The following CHST13 variants were observed in gnomAD, a reference collection of about 807,000 sequenced individuals.
CHST13 encodes the protein C4ST-3.
A neutral mutation model predicts 7.0 loss-of-function variants in CHST13; 1 was observed. That is an observed-to-expected ratio of 0.14 (90% CI 0.05 to 0.68). The LOEUF is 0.68. Ranked by LOEUF, CHST13 falls within the 30% of genes least tolerant of loss-of-function variation. The pLI is 0.82. For synonymous variants in CHST13, 257 were observed against 240.9 expected (o/e 1.07, Z -0.62); for missense variants, 572 against 507.9 (o/e 1.13, Z -1.21).
intron 1 of CHST13, among the ~76,000 whole-genome samples, chr3:126,526,433 G>C (rs1326810716): frequency 6.6e-6 from 1 of 152,188 alleles, no homozygotes; most frequent in Non-Finnish European, 1.5e-5. Flanking sequence ...CTGGGGATGA[G>C]GGCTCCAGAA....
chr3:126,542,413 C>G lies in CHST13; in HGVS notation c.861C>G (p.Ser287Arg), dbSNP rs751601431. Reference protein sequence around the residue: ...VLGLAGASDLSFPGPPRPRGA... With the variant: ...VLGLAGASDLRFPGPPRPRGA... ...GCCTGGCGGGCGCATCCGACCTGAG[C>G]TTCCCTGGGCCGCCGCGGCCCCGGG... is the stretch of plus-strand genomic sequence containing the variant. The change falls in exon 3 of 3, where the codon AGC (serine) becomes AGG (arginine). Residue 287 changes from serine to arginine, a missense_variant. By Grantham distance (110) the Ser-to-Arg change is moderately radical. Transcript: ENST00000319340. The G allele has an allele frequency of 2.6e-6, 4 of 1,552,432 alleles. No homozygotes were observed. The Admixed American group carries it at 7.8e-5, about 30-fold the overall frequency.
intron 1 of CHST13, among the ~76,000 whole-genome samples, chr3:126,535,724 C>T (rs13080948): frequency 0.34 from 51,930 of 152,234 alleles, 9,376 homozygotes; most frequent in African/African-American, 0.45. Flanking sequence ...CCATGTGAAG[C>T]AGCATATTCC....
chr3:126,542,036 C>G lies in CHST13; in HGVS notation c.484C>G (p.Arg162Gly). 1 of 1,573,094 alleles carries G rather than the reference C, an allele frequency of 6.4e-7. No homozygotes were observed. ...LADFSPAEIN[R>G]RLRAYLAFLF... ...CGACTTCAGCCCCGCCGAGATCAAC[C>G]GGCGCCTGCGCGCCTACTTGGCCTT... The change falls in exon 3 of 3, where the codon CGG becomes GGG. Residue 162 changes from arginine to glycine, a missense_variant. By Grantham distance (125) the Arg-to-Gly change is moderately radical. Coordinates refer to ENST00000319340, the MANE Select transcript of CHST13 (RefSeq NM_152889.3).
chr3:126,524,304 A>G lies in CHST13; in HGVS notation c.-29A>G, dbSNP rs1936491616. Reference sequence around the variant, plus strand: ...CTCCGCCCCCAGCCGTATCCAGCGGACTGTCCTCCGCCGCGCGCCCGGCAC... The same window carrying G: ...CTCCGCCCCCAGCCGTATCCAGCGGGCTGTCCTCCGCCGCGCGCCCGGCAC... On this transcript the variant is annotated 5_prime_UTR_variant, in exon 1 of 3. Transcript: ENST00000319340. 4.1e-6 allele frequency: 5 copies of G among 1,227,352 alleles called. No individual in the cohort carries two copies. The highest frequency in any genetic ancestry group is 5.1e-6 in the Non-Finnish European group (5 of 984,712). The allele number at this position is 1,227,352 out of a possible 1,614,324, so 76.0% of individuals were successfully genotyped here. A position where few individuals can be genotyped will look rare whatever the true frequency, so the allele number is the denominator to read the frequency against.
intron 2 of CHST13, among the ~76,000 whole-genome samples, chr3:126,538,496 C>T (rs1048107113): frequency 4.7e-4 from 72 of 152,370 alleles, no homozygotes; most frequent in African/African-American, 1.7e-3. Context: ...TCAGCAACGA[C>T]ACACGAAGCT....
chr3:126,535,040 TCGCTGTCCTCAGCC>T, intron 1 of CHST13, among the ~76,000 whole-genome samples: 1 of 117,182 alleles, frequency 8.5e-6, no homozygotes, highest in Non-Finnish European at 1.7e-5. Context: ...ACACACAGCA[TCGCTGTCCTCAGCC>T]GGGAGACAGA....
chr3:126,527,711 G>T (rs1427245831), intron 1 of CHST13: 2 of 152,296 alleles, frequency 1.3e-5, no homozygotes, highest in African/African-American at 2.4e-5. Context: ...GTGGGCAAAG[G>T]GAGGGGAAGT....
intron 2 of CHST13, among the ~76,000 whole-genome samples, chr3:126,539,998 CACAA>C (rs1239523954): frequency 1.2e-3 from 148 of 121,432 alleles, no homozygotes; most frequent in Admixed American, 4.1e-3. Flanking sequence ...GACACACACA[CACAA>C]ATGCCACACA....
At chr3:126,528,539 A>T (rs1936581484) in intron 1 of CHST13, among the ~76,000 whole-genome samples, 1 of 152,116 alleles carries the variant, frequency 6.6e-6, no homozygotes. Flanking sequence ...AGGTGGGGCG[A>T]GGAGAAATAG....
rs1199669120 is a variant in CHST13, at chr3:126,541,719, CCTG to C, written c.181-13_181-11del. 2.1e-6 allele frequency: 3 copies of C among 1,443,770 alleles called. No homozygotes were observed. Among genetic ancestry groups the C allele is most frequent in the Non-Finnish European group, 2.7e-6 (3 of 1,101,000 alleles). 89.4% of individuals were successfully genotyped at this position (1,443,770 alleles called of 1,614,324 possible). A position where few individuals can be genotyped will look rare whatever the true frequency, so the allele number is the denominator to read the frequency against. On this transcript the variant is annotated splice_polypyrimidine_tract_variant and intron_variant, in intron 2 of 2. Transcript: ENST00000319340. Reference sequence around the variant, plus strand: ...CCTGACGCGTCCCCCTGTCCCGTCTCCTGTCGCCCACAGGACCCGCGCTCGACC... The same window carrying C: ...CCTGACGCGTCCCCCTGTCCCGTCTCTCGCCCACAGGACCCGCGCTCGACC...
Position 126,534,635 on chromosome 3 carries a change from T to C in CHST13, c.98-1636T>C, listed in dbSNP as rs371777482. On this transcript the variant is annotated intron_variant, in intron 1 of 2. Transcript: ENST00000319340. ...GACAGACACACAGACAGCATCCCTG[T>C]CCTCAGCCGGGAGACAGATAGACAG... Among the ~76,000 whole-genome samples, 44 of 149,768 alleles carry C rather than the reference T, an allele frequency of 2.9e-4. 1 individual carries two copies. The South Asian group carries it at 8.9e-3, about 30-fold the overall frequency.
At chr3:126,527,871 A>G (rs1936569742) in intron 1 of CHST13, 1 of 152,106 alleles carries the variant, frequency 6.6e-6, no homozygotes, top group Non-Finnish European at 1.5e-5. Context: ...GGAATTGGCA[A>G]TCCTATTTTG....
chr3:126,539,499 C>CA (rs1936877445), intron 2 of CHST13, among the ~76,000 whole-genome samples: 1 of 147,858 alleles, frequency 6.8e-6, no homozygotes, highest in Non-Finnish European at 1.5e-5. Flanking sequence ...ATGTACCCCA[C>CA]ACCACACACA....
chr3:126,538,510 G>C (rs888082630), intron 2 of CHST13, among the ~76,000 whole-genome samples: 2 of 152,250 alleles, frequency 1.3e-5, no homozygotes, highest in Admixed American at 1.3e-4. Flanking sequence ...CGAAGCTGAA[G>C]ATATGGCTCC....
intron 1 of CHST13, chr3:126,527,840 G>A (rs1936569067): frequency 6.6e-6 from 1 of 152,210 alleles, no homozygotes; most frequent in Non-Finnish European, 1.5e-5. Flanking sequence ...CAAGCTGGCA[G>A]GTGGGTGGCT....
chr3:126,536,425 G>A, intron 2 of CHST13, 72 bp downstream of exon 2: 1 of 1,200,354 alleles, frequency 8.3e-7, no homozygotes, highest in Non-Finnish European at 1.2e-6. Flanking sequence ...CAACAGTGCA[G>A]ACCTGCTGGC....
rs1295673346 is a variant in CHST13 at position 126,542,277 on chromosome 3, C to T, written c.725C>T (p.Pro242Leu). ...GACCCGCGCACGCGGCGTGAGGAGCCCTTCAACGAGCACTGGGAGCGCGCG... is the reference window on the plus strand; with the variant it reads ...GACCCGCGCACGCGGCGTGAGGAGCTCTTCAACGAGCACTGGGAGCGCGCG... ...LLDPRTRREE[P>L]FNEHWERAHA... Residue 242 changes from proline to leucine, a missense_variant, in exon 3 of 3, where the codon CCC becomes CTC. By Grantham distance (98) the Pro-to-Leu change is moderately conservative. Transcript: ENST00000319340. 1.3e-6 allele frequency: 2 copies of T among 1,563,686 alleles called. No homozygotes were observed. Among genetic ancestry groups the T allele is most frequent in the Non-Finnish European group, 1.7e-6 (2 of 1,160,554 alleles).
At position 126,524,380 on chromosome 3, in the gene CHST13, G is replaced by A; in HGVS notation, c.48G>A (p.Leu16=). 1 of 1,236,378 alleles carries A rather than the reference G, an allele frequency of 8.1e-7. No homozygotes were observed. The highest frequency in any genetic ancestry group is 1.0e-6 in the Non-Finnish European group (1 of 989,652). 76.6% of individuals were successfully genotyped at this position (1,236,378 alleles called of 1,614,324 possible). A position where few individuals can be genotyped will look rare whatever the true frequency, so the allele number is the denominator to read the frequency against. ...CRRRVLAAAC[L]GAALLLLCAA... The stretch of plus-strand genomic sequence containing the variant: ...GGCGCGTGCTGGCGGCCGCCTGTCT[G>A]GGCGCCGCGCTCCTGCTCCTATGCG... The change falls in exon 1 of 3, where the codon CTG becomes CTA. Residue 16 remains leucine, a synonymous_variant. Coordinates refer to ENST00000319340, the MANE Select transcript of CHST13 (RefSeq NM_152889.3).
intron 2 of CHST13, among the ~76,000 whole-genome samples, chr3:126,540,514 G>A (rs565694598): frequency 2.3e-4 from 35 of 152,250 alleles, no homozygotes; most frequent in Non-Finnish European, 3.4e-4. Flanking sequence ...TGTACTATTC[G>A]CTTGGCATAA....
Sources: allele counts gnomAD v4.1 joint callset (sites outside exome capture counted in the v4.1 genomes callset), GRCh38; gene constraint gnomAD v4.1.1; transcripts MANE v1.5; gene names NCBI Gene and HGNC (gene_info 2026-07-23, HGNC 2026-07-21).